TNIK: variants seen among roughly 807,000 people sequenced by gnomAD.
TNIK encodes TRAF2 and NCK interacting kinase.
In TNIK, 49 loss-of-function variants were observed where a neutral mutation model predicts 191.3. The ratio of observed to expected loss-of-function variants is 0.26; its 90% CI spans 0.20 to 0.32. The LOEUF (loss-of-function observed/expected upper bound fraction) is 0.32, where lower values mean the gene tolerates loss of function less well. Ranked by LOEUF, TNIK falls within the 10% of genes least tolerant of loss-of-function variation. TNIK has a pLI of 1.00. For missense variants in TNIK, 1,155 were observed against 1,702.3 expected (o/e 0.68, Z 5.66); for synonymous variants, 594 against 600.9 (o/e 0.99, Z 0.17).
At chr3:171,174,008 T>C (rs1735665826) in intron 9 of TNIK, among the ~76,000 whole-genome samples, 1 of 152,158 alleles carries the variant, frequency 6.6e-6, no homozygotes, top group Non-Finnish European at 1.5e-5. Flanking sequence ...AAGGGTTGTC[T>C]TGCACCACAA....
intron 7 of TNIK, among the ~76,000 whole-genome samples, chr3:171,187,894 C>T (rs748999426): frequency 2.6e-5 from 4 of 152,194 alleles, no homozygotes; most frequent in Non-Finnish European, 5.9e-5. Flanking sequence ...CAGGGTGTCT[C>T]TCTACCTAAT....
intron 2 of TNIK, among the ~76,000 whole-genome samples, chr3:171,327,464 A>G (rs964732398): frequency 6.6e-6 from 1 of 152,192 alleles, no homozygotes; most frequent in Non-Finnish European, 1.5e-5. Context: ...AGGGCTGGAC[A>G]GTGCTATGCC....
intron 12 of TNIK, among the ~76,000 whole-genome samples, chr3:171,141,585 G>A (rs1402218885): frequency 6.6e-6 from 1 of 152,202 alleles, no homozygotes. Context: ...GGACATGTGA[G>A]GAGTATTTTT....
chr3:171,379,118 C>T (rs1559996688), intron 1 of TNIK, among the ~76,000 whole-genome samples: 1 of 152,168 alleles, frequency 6.6e-6, no homozygotes, highest in African/African-American at 2.4e-5. Flanking sequence ...GCCAGTTTGA[C>T]AGTCCATTTA....
intron 1 of TNIK, among the ~76,000 whole-genome samples, chr3:171,371,213 A>G (rs1213316086): frequency 6.6e-6 from 1 of 152,206 alleles, no homozygotes; most frequent in African/African-American, 2.4e-5. Context: ...CACCACCAGC[A>G]GGATTTAAAT....
chr3:171,187,671 G>C (rs1235019970), intron 7 of TNIK, among the ~76,000 whole-genome samples: 2 of 152,208 alleles, frequency 1.3e-5, no homozygotes, highest in African/African-American at 4.8e-5. Context: ...GCTCTGAACA[G>C]AAAGTTTGGA....
chr3:171,431,258 AC>A (rs147174253), intron 1 of TNIK, among the ~76,000 whole-genome samples: 2,096 of 152,114 alleles, frequency 0.014, 44 homozygotes, highest in African/African-American at 0.048. Context: ...ATATCAACAA[AC>A]TTTTTCTTCA....
At chr3:171,425,053 C>T (rs575995116) in intron 1 of TNIK, among the ~76,000 whole-genome samples, 3 of 151,856 alleles carry the variant, frequency 2.0e-5, no homozygotes, top group South Asian at 4.1e-4. Context: ...CATTTAAAAC[C>T]GAACTCTTTA....
At chr3:171,067,373 T>TA (rs1003027738) in intron 30 of TNIK, among the ~76,000 whole-genome samples, 3 of 151,754 alleles carry the variant, frequency 2.0e-5, no homozygotes, top group Admixed American at 6.6e-5. Context: ...GACCACTCAT[T>TA]AAAAAAAATC....
intron 2 of TNIK, among the ~76,000 whole-genome samples, chr3:171,252,654 C>T (rs1158140317): frequency 6.6e-6 from 1 of 152,172 alleles, no homozygotes; most frequent in African/African-American, 2.4e-5. Context: ...TATTTTACAT[C>T]ATTGCATAGC....
chr3:171,234,095 T>G (rs1743981523), intron 2 of TNIK, among the ~76,000 whole-genome samples: 1 of 152,158 alleles, frequency 6.6e-6, no homozygotes, highest in South Asian at 2.1e-4. Context: ...TGAACTCTGG[T>G]TTTCCACTCC....
Position 171,087,408 on chromosome 3 carries a change from A to T in TNIK, c.2820T>A (p.Ala940=). 6.2e-7 allele frequency: 1 copy of T among 1,613,980 alleles called. No homozygotes were observed. The highest frequency in any genetic ancestry group is 1.7e-4 in the Middle Eastern group (1 of 6,032). The change falls in exon 24 of 33, where the codon GCT becomes GCA. Residue 940 remains alanine (A), a synonymous_variant. Transcript: ENST00000436636. ...PDLVQQSHSP[A]GTPTEGLGRV... is the part of the protein sequence containing the mutation. Reference sequence around the variant, plus strand: ...GCCCCAGTCCCTCAGTCGGGGTTCCAGCTGGAGAATGGCTCTGCTGCACCA... The same window carrying T: ...GCCCCAGTCCCTCAGTCGGGGTTCCTGCTGGAGAATGGCTCTGCTGCACCA...
intron 2 of TNIK, among the ~76,000 whole-genome samples, chr3:171,299,410 T>A (rs1052473235): frequency 6.6e-6 from 1 of 150,632 alleles, no homozygotes; most frequent in Non-Finnish European, 1.5e-5. Context: ...CTGAATTCAT[T>A]TGGGCTTGTT....
intron 1 of TNIK, among the ~76,000 whole-genome samples, chr3:171,411,075 T>G (rs56240415): frequency 2.2e-5 from 3 of 136,046 alleles, no homozygotes; most frequent in Non-Finnish European, 3.3e-5. Flanking sequence ...TCTTTTTTTT[T>G]TTTTTTTTAG....
At chr3:171,236,697 C>G (rs60264336) in intron 2 of TNIK, among the ~76,000 whole-genome samples, 3,749 of 152,310 alleles carry the variant, frequency 0.025, 148 homozygotes, top group African/African-American at 0.083. Context: ...AGCTCCCTCT[C>G]TAAGGACTAC....
At chr3:171,393,605 CAT>C (rs1719850056) in intron 1 of TNIK, among the ~76,000 whole-genome samples, 1 of 152,234 alleles carries the variant, frequency 6.6e-6, no homozygotes, top group African/African-American at 2.4e-5. Context: ...GTTACCCTCT[CAT>C]AGCATAGTTT....
In TNIK at chr3:171,413,242, G is replaced by C. The variant is rs1360191065; in HGVS notation, c.58-43557C>G. 2.6e-5 allele frequency among the ~76,000 whole-genome samples: 4 copies of C among 151,908 alleles called. No individual in the cohort carries two copies. The East Asian group carries it at 7.8e-4, about 30-fold the overall frequency. On this transcript the variant is annotated intron_variant, in intron 1 of 32. Transcript: ENST00000436636. ...ATCTGATTCCAAATTAAGTCCTTCA[G>C]ACACGGCTCTGATTAAATAACTAGC... is the stretch of plus-strand genomic sequence containing the variant.
chr3:171,135,577 C>A (rs1729876233), intron 15 of TNIK, among the ~76,000 whole-genome samples: 1 of 152,190 alleles, frequency 6.6e-6, no homozygotes, highest in South Asian at 2.1e-4. Context: ...ATGTTAACCA[C>A]ACCCAGGAGC....
chr3:171,231,905 A>G (rs1293854647), intron 2 of TNIK, among the ~76,000 whole-genome samples: 1 of 152,188 alleles, frequency 6.6e-6, no homozygotes, highest in Non-Finnish European at 1.5e-5. Flanking sequence ...CACTTCTACC[A>G]TCCAGCTCCT....
Sources: gnomAD v4.1 joint callset for allele counts (sites outside exome capture counted in the v4.1 genomes callset) on GRCh38, gnomAD v4.1.1 for gene constraint, MANE v1.5 for transcripts, NCBI Gene and HGNC (gene_info 2026-07-23, HGNC 2026-07-21) for gene names.